The following GLYR1 variants were observed in gnomAD, a reference collection of about 807,000 sequenced individuals.
GLYR1 encodes cytokine-like nuclear factor N-PAC.
GLYR1 carries 21 observed loss-of-function variants against 72.7 expected under a neutral mutation model. That is an observed-to-expected ratio of 0.29 (90% confidence interval 0.20 to 0.42). The LOEUF is 0.42. Among genes scored for constraint, GLYR1 ranks in the 10% least tolerant of loss-of-function variants. The pLI is 1.00. For synonymous variants in GLYR1, 392 were observed against 270.2 expected, an observed-to-expected ratio of 1.45 and a Z score of -4.42; for missense variants, 594 against 712.1, an observed-to-expected ratio of 0.83 and a Z score of 1.89.
At chr16:4,840,970 C>G (rs892474845) in intron 3 of GLYR1, among the ~76,000 whole-genome samples, 2 of 152,230 alleles carry the variant, frequency 1.3e-5, no homozygotes, top group African/African-American at 2.4e-5. Flanking sequence ...TTTCCTTTCT[C>G]TAAGTTAACT....
intron 8 of GLYR1, 30 bp downstream of exon 8, chr16:4,821,517 T>C (rs1358942319): frequency 6.2e-7 from 1 of 1,613,954 alleles, no homozygotes; most frequent in Admixed American, 1.7e-5. Context: ...CAGGTGAAAA[T>C]TAAAATGGGG....
At chr16:4,843,610 C>T in intron 3 of GLYR1, 1 of 1,289,116 alleles carries the variant, frequency 7.8e-7, no homozygotes, top group Non-Finnish European at 1.0e-6. Context: ...TATCTGTAAA[C>T]ATGAAACCAG....
At chr16:4,816,858 G>A (rs546654743) in intron 10 of GLYR1, among the ~76,000 whole-genome samples, 19 of 151,688 alleles carry the variant, frequency 1.3e-4, no homozygotes, top group South Asian at 1.0e-3. Context: ...GTGGTGGCGC[G>A]CGCCTGTAAT....
rs751003175 is a variant in GLYR1 at position 4,832,899 on chromosome 16, C to G, written c.169G>C (p.Val57Leu). Residue 57 changes from valine (V) to leucine (L), a missense_variant, in exon 4 of 16, where the codon GTG becomes CTG. Coordinates refer to ENST00000321919, the MANE Select transcript of GLYR1 (RefSeq NM_032569.4). Reference sequence around the variant, plus strand: ...GCATGATATGGCTTCAGCTGTTCCACTTTGATCCAGGCACTAGCAGAAAAC... The same window carrying G: ...GCATGATATGGCTTCAGCTGTTCCAGTTTGATCCAGGCACTAGCAGAAAAC... ...FGTEDHAWIK[V>L]EQLKPYHAHK... 1.2e-6 allele frequency: 2 copies of G among 1,611,614 alleles called. No homozygotes were observed. The highest frequency in any genetic ancestry group is 3.4e-5 in the Admixed American group (2 of 59,634).
chr16:4,823,063 A>G (rs2084143259), intron 6 of GLYR1, 132 bp from the exon 7 acceptor site: 1 of 779,056 alleles, frequency 1.3e-6, no homozygotes, highest in Admixed American at 2.3e-5. Flanking sequence ...TTGTCTGGAA[A>G]CTCTTTTCCC....
chr16:4,811,578 C>G, intron 14 of GLYR1, 45 bp downstream of exon 14: 2 of 1,607,730 alleles, frequency 1.2e-6, no homozygotes, highest in Non-Finnish European at 1.7e-6. Flanking sequence ...GTACCCTGCT[C>G]TAATCAAACA....
At chr16:4,809,188 G>A (rs1162875969) in intron 15 of GLYR1, among the ~76,000 whole-genome samples, 1 of 95,246 alleles carries the variant, frequency 1.0e-5, no homozygotes, top group Non-Finnish European at 2.0e-5. Context: ...AGCAGCTTTC[G>A]TTTTTTTTTT....
intron 3 of GLYR1, among the ~76,000 whole-genome samples, chr16:4,835,967 T>A (rs2085103018): frequency 6.6e-6 from 1 of 152,216 alleles, no homozygotes; most frequent in Non-Finnish European, 1.5e-5. Context: ...TCATCTTTTT[T>A]AAATTTATTT....
rs192585025 is a variant in GLYR1, at chr16:4,812,210, G to C, written c.1158C>G (p.Pro386=). 33 of 1,613,922 alleles carry C rather than the reference G, an allele frequency of 2.0e-5. No homozygotes were observed. In the African/African-American group the frequency reaches 3.6e-4, roughly 18 times the overall value. The change falls in exon 13 of 16, where the codon CCC becomes CCG. Residue 386 remains proline (P), a synonymous_variant. Coordinates refer to ENST00000321919, the MANE Select transcript of GLYR1 (RefSeq NM_032569.4). ...TAGACAGCTGCTGATTCCCTGAGACGGGGGCTTCCAGAAAGCGCCCCCCCC... is the reference window on the plus strand; with the variant it reads ...TAGACAGCTGCTGATTCCCTGAGACCGGGGCTTCCAGAAAGCGCCCCCCCC... ...VSRGGRFLEA[P]VSGNQQLSND...
In GLYR1 at chr16:4,847,186, G is replaced by C. The variant is rs769227145; in HGVS notation, c.38+42C>G. On this transcript the variant is annotated intron_variant, in intron 1 of 15. Transcript: ENST00000321919. ...AGCGAACCCCGCGCCCAGGCGGGTA[G>C]CTCCCCGGCGCGTCTCGGTTGGCCC... 6.4e-5 allele frequency: 100 copies of C among 1,562,532 alleles called. 1 individual carries two copies. In the South Asian group the frequency reaches 9.8e-4, roughly 15 times the overall value.
chr16:4,831,815 T>C (rs942985781), intron 5 of GLYR1, among the ~76,000 whole-genome samples, 164 bp downstream of exon 5: 2 of 152,224 alleles, frequency 1.3e-5, no homozygotes, highest in African/African-American at 4.8e-5. Context: ...GGATAAAGCA[T>C]GAGCCACCGC....
At chr16:4,839,977 G>T (rs1006624898) in intron 3 of GLYR1, 2 of 152,126 alleles carry the variant, frequency 1.3e-5, no homozygotes, top group African/African-American at 4.8e-5. Flanking sequence ...GTAACCAATG[G>T]TGCCCCCACC....
chr16:4,811,413 CCT>C (rs2083316145), intron 14 of GLYR1, 119 bp from the exon 15 acceptor site: 2 of 1,356,606 alleles, frequency 1.5e-6, no homozygotes, highest in Non-Finnish European at 2.0e-6. Context: ...ATAGCCTAGG[CCT>C]CTTGGCTCCT....
chr16:4,811,321 A>G (rs1416394074), intron 14 of GLYR1, 27 bp from the exon 15 acceptor site: 1 of 1,612,292 alleles, frequency 6.2e-7, no homozygotes, highest in African/African-American at 1.3e-5. Context: ...AGTATCAGAC[A>G]AAAGCCAAGG....
rs748296822 is a variant in GLYR1 at position 4,845,026 on chromosome 16, TA to T, written c.155+47del. 35 of 1,255,710 alleles carry T rather than the reference TA, an allele frequency of 2.8e-5. No homozygotes were observed. The African/African-American group carries it at 4.9e-4, about 17-fold the overall frequency. 77.8% of individuals were successfully genotyped at this position (1,255,710 alleles called of 1,614,324 possible). A position where few individuals can be genotyped will look rare whatever the true frequency, so the allele number is the denominator to read the frequency against. On this transcript the variant is annotated intron_variant, in intron 3 of 15. Coordinates refer to ENST00000321919, the MANE Select transcript of GLYR1 (RefSeq NM_032569.4). ...TTTTCAAAGCAGCTCAGACTCCAGG[TA>T]ACACAGAAAGAAAGGCGAAGGGAGA... is the stretch of plus-strand genomic sequence containing the variant.
At chr16:4,835,554 G>A (rs1449889905) in intron 3 of GLYR1, among the ~76,000 whole-genome samples, 1 of 152,172 alleles carries the variant, frequency 6.6e-6, no homozygotes, top group Non-Finnish European at 1.5e-5. Context: ...AGCTTGGCTG[G>A]GCACGGTGGC....
chr16:4,840,133 A>T (rs963416360), intron 3 of GLYR1: 1 of 152,406 alleles, frequency 6.6e-6, no homozygotes, highest in African/African-American at 2.4e-5. Context: ...ACCTGTTTAC[A>T]CCACCTCTTA....
intron 1 of GLYR1, chr16:4,846,989 C>T (rs1296628847): frequency 4.7e-5 from 26 of 547,606 alleles, no homozygotes; most frequent in Non-Finnish European, 8.0e-5. Context: ...GAGTGCAGAC[C>T]CCACCCGGCC....
At chr16:4,832,945 C>A in intron 3 of GLYR1, 33 bp from the exon 4 acceptor site, 3 of 1,592,284 alleles carry the variant, frequency 1.9e-6, no homozygotes, top group South Asian at 1.1e-5. Flanking sequence ...AGGGTGTGAA[C>A]CATATAGCAT....
Sources: gnomAD v4.1 joint callset for allele counts (sites outside exome capture counted in the v4.1 genomes callset) on GRCh38, gnomAD v4.1.1 for gene constraint, MANE v1.5 for transcripts, NCBI Gene and HGNC (gene_info 2026-07-23, HGNC 2026-07-21) for gene names.